Variants in FGFR1 observed in about 807,000 individuals in gnomAD.
The protein encoded by FGFR1 is fibroblast growth factor receptor 1, also known as FGFR1/PLAG1 fusion.
A neutral mutation model predicts 93.7 loss-of-function variants in FGFR1; 18 were observed. The ratio of observed to expected loss-of-function variants is 0.19; its 90% CI spans 0.13 to 0.28. The LOEUF is 0.28. Among genes scored for constraint, FGFR1 ranks in the 10% least tolerant of loss-of-function variants. The pLI is 1.00. For synonymous variants in FGFR1, 448 were observed against 429.3 expected (o/e 1.04, Z -0.54); for missense variants, 731 against 1,080.4 (o/e 0.68, Z 4.53).
At chr8:38,433,107 G>A (rs997752573) in intron 2 of FGFR1, among the ~76,000 whole-genome samples, 2 of 152,134 alleles carry the variant, frequency 1.3e-5, no homozygotes, top group Non-Finnish European at 1.5e-5. Flanking sequence ...GGAGGCTGAG[G>A]CAGGAGGCTC....
intron 2 of FGFR1, among the ~76,000 whole-genome samples, chr8:38,436,298 C>A (rs565264731): frequency 6.6e-6 from 1 of 152,170 alleles, no homozygotes; most frequent in South Asian, 2.1e-4. Context: ...ATCCCTTGAG[C>A]CCAGGAACTC....
chr8:38,414,561 A>G lies in FGFR1; in HGVS notation c.2046T>C (p.Asp682=), dbSNP rs749546240. 8.7e-6 allele frequency: 14 copies of G among 1,614,018 alleles called. 1 individual carries two copies. In the South Asian group the frequency reaches 1.4e-4, roughly 16 times the overall value. Residue 682 remains aspartate, a splice_region_variant and synonymous_variant, in exon 15 of 18, where the codon GAT becomes GAC. Transcript: ENST00000447712. The part of the protein sequence containing the change: ...LFDRIYTHQS[D]VWSFGVLLWE... ...GGCAATTGCTATTACAAACTCACAC[A>G]TCACTCTGGTGGGTGTAGATCCGGT...
rs2150550526 is a variant in FGFR1, at chr8:38,414,596, C to T, written c.2011G>A (p.Ala671Thr). The change falls in exon 15 of 18, where the codon GCA becomes ACA. Residue 671 changes from alanine to threonine, a missense_variant. This residue lies in a region of FGFR1 where 44 missense variants were observed against 99.9 expected (regional missense o/e 0.44). Transcript: ENST00000447712. ...RLPVKWMAPE[A>T]LFDRIYTHQS... ...TGGGTGTAGATCCGGTCAAATAATG[C>T]CTCGGGTGCCATCCACTTCACAGGC... 2.1e-6 allele frequency: 3 copies of T among 1,427,016 alleles called. No homozygotes were observed. The highest frequency in any genetic ancestry group is 1.9e-5 in the African/African-American group (1 of 51,580). The allele number at this position is 1,427,016 out of a possible 1,614,324, so 88.4% of individuals were successfully genotyped here. A position where few individuals can be genotyped will look rare whatever the true frequency, so the allele number is the denominator to read the frequency against.
At chr8:38,417,000 T>C (rs556529857) in intron 12 of FGFR1, among the ~76,000 whole-genome samples, 34 of 152,098 alleles carry the variant, frequency 2.2e-4, no homozygotes, top group African/African-American at 8.2e-4. Flanking sequence ...GTGATCTTCC[T>C]GCCTCGGCCT....
chr8:38,460,055 C>T (rs566552865), intron 1 of FGFR1, among the ~76,000 whole-genome samples: 121 of 152,178 alleles, frequency 8.0e-4, no homozygotes, highest in African/African-American at 2.6e-3. Context: ...TGGTGGTGCA[C>T]GCCTGTAATC....
chr8:38,420,785 G>GC (rs1357359967), intron 8 of FGFR1, among the ~76,000 whole-genome samples: 1 of 152,138 alleles, frequency 6.6e-6, no homozygotes, highest in Non-Finnish European at 1.5e-5. Flanking sequence ...GAGGCATGAG[G>GC]CATGAGGCAC....
chr8:38,462,243 C>T lies in FGFR1; in HGVS notation c.-88-4709G>A, dbSNP rs564614810. The stretch of plus-strand genomic sequence containing the variant: ...AATATTGGCCAGGCGCGGTGGCTCA[C>T]GCCTGTAATCCCAGCACTTTGGGAG... On this transcript the variant is annotated intron_variant, in intron 1 of 17. Transcript: ENST00000447712. 1.2e-4 allele frequency among the ~76,000 whole-genome samples: 18 copies of T among 152,266 alleles called. No individual in the cohort carries two copies. In the South Asian group the frequency reaches 3.5e-3, roughly 30 times the overall value.
intron 3 of FGFR1, 190 bp from the exon 4 acceptor site, chr8:38,428,625 C>T (rs1821676455): frequency 1.6e-6 from 1 of 611,552 alleles, no homozygotes; most frequent in South Asian, 1.8e-5. Context: ...GCTTCCTTCC[C>T]CGAAGCACTG....
intron 1 of FGFR1, among the ~76,000 whole-genome samples, chr8:38,458,110 C>A (rs1833385537): frequency 6.6e-6 from 1 of 152,202 alleles, no homozygotes; most frequent in African/African-American, 2.4e-5. Context: ...GTATAAACTT[C>A]AAAGTAGTAT....
At chr8:38,414,496 G>C (rs567562520) in intron 15 of FGFR1, 63 bp downstream of exon 15, 1 of 1,587,848 alleles carries the variant, frequency 6.3e-7, no homozygotes, top group East Asian at 2.2e-5. Flanking sequence ...GAGAAAGCAG[G>C]ACTCTACAGT....
intron 12 of FGFR1, among the ~76,000 whole-genome samples, chr8:38,416,292 CT>C (rs1243299281): frequency 6.6e-6 from 1 of 152,052 alleles, no homozygotes; most frequent in Non-Finnish European, 1.5e-5. Context: ...CCCAGTTTGT[CT>C]GTTTATTTTG....
chr8:38,420,956 G>A (rs1020854587), intron 8 of FGFR1, among the ~76,000 whole-genome samples: 1 of 152,184 alleles, frequency 6.6e-6, no homozygotes, highest in African/African-American at 2.4e-5. Flanking sequence ...AGACAGGGAC[G>A]ATGATAAAAA....
intron 2 of FGFR1, among the ~76,000 whole-genome samples, chr8:38,441,043 A>T (rs551817552): frequency 6.6e-6 from 1 of 152,084 alleles, no homozygotes; most frequent in South Asian, 2.1e-4. Flanking sequence ...AGCCACAGCC[A>T]GGACCCTGCA....
Position 38,465,148 on chromosome 8 carries a change from C to G in FGFR1, c.-89+2833G>C, listed in dbSNP as rs76224525. Among the ~76,000 whole-genome samples the G allele has an allele frequency of 5.4e-3, 820 of 152,264 alleles. 41 individuals are homozygous for G. In the East Asian group the frequency reaches 0.12, roughly 21 times the overall value. On this transcript the variant is annotated intron_variant, in intron 1 of 17. Transcript: ENST00000447712. ...TCCTCTGCCCCTAGGGAGTGGGGGA[C>G]GCTTCTCCATTTCTTCCTGAGCCTT... is the stretch of plus-strand genomic sequence containing the variant.
chr8:38,421,801 C>T lies in FGFR1; in HGVS notation c.1077G>A (p.Leu359=), dbSNP rs771222289. The change falls in exon 8 of 18, where the codon CTG becomes CTA. Residue 359 remains leucine, a synonymous_variant. Transcript: ENST00000447712. ...LSHHSAWLTV[L]EALEERPAVM... ...AGGAGAAGTTACAGTGTGTACCTTC[C>T]AGAACGGTCAACCATGCAGAGTGAT... The T allele has an allele frequency of 2.5e-6, 4 of 1,613,962 alleles. No individual in the cohort carries two copies. The highest frequency in any genetic ancestry group is 2.2e-5 in the South Asian group (2 of 91,082).
Position 38,427,713 on chromosome 8 carries a change from T to C in FGFR1, c.621+208A>G, listed in dbSNP as rs1332571789. Among the ~76,000 whole-genome samples, 2 of 152,244 alleles carry C rather than the reference T, an allele frequency of 1.3e-5. 1 individual carries two copies. The highest frequency in any genetic ancestry group is 4.1e-4 in the South Asian group (2 of 4,834). On this transcript the variant is annotated intron_variant, in intron 5 of 17. Transcript: ENST00000447712. ...AGGCAAGGAAATTACATACATGATG[T>C]GATCAACTATGTAAAAACCATATTA...
chr8:38,414,964 G>A (rs2150567764), intron 13 of FGFR1, 63 bp from the exon 14 acceptor site: 5 of 1,440,166 alleles, frequency 3.5e-6, no homozygotes, highest in Non-Finnish European at 2.9e-6. Context: ...GCTCTGGGCG[G>A]CCGCCACCCA....
intron 2 of FGFR1, among the ~76,000 whole-genome samples, chr8:38,450,076 C>G (rs1233607462): frequency 2.6e-5 from 4 of 152,220 alleles, no homozygotes; most frequent in Non-Finnish European, 5.9e-5. Context: ...CAGACTCCAG[C>G]AGGCTTCTCC....
chr8:38,422,934 G>C, intron 7 of FGFR1: 1 of 711,742 alleles, frequency 1.4e-6, no homozygotes, highest in Non-Finnish European at 2.6e-6. Flanking sequence ...AGGGTGGCAA[G>C]GACAGTCCAG....
Sources: allele counts gnomAD v4.1 joint callset (sites outside exome capture counted in the v4.1 genomes callset), GRCh38; gene constraint gnomAD v4.1.1; regional missense constraint gnomAD v4.1.1; transcripts MANE v1.5; gene names NCBI Gene and HGNC (gene_info 2026-07-23, HGNC 2026-07-21).